COBLL1: variants seen among roughly 807,000 people sequenced by gnomAD.
COBLL1 encodes cordon-bleu protein-like 1.
In COBLL1, 50 loss-of-function variants were observed where a neutral mutation model predicts 94.8. The ratio of observed to expected loss-of-function variants is 0.53; its 90% confidence interval spans 0.42 to 0.67. COBLL1 has a LOEUF of 0.67. COBLL1 is among the 30% of genes least tolerant of loss of function. The pLI, the probability that COBLL1 is intolerant of heterozygous loss-of-function variation, is 0.00. For missense variants in COBLL1, 1,362 were observed against 1,348.7 expected (o/e 1.01, Z -0.15); for synonymous variants, 448 against 473.8 (o/e 0.95, Z 0.71).
At position 164,818,337 on chromosome 2, in the gene COBLL1, T is replaced by C. The variant is rs892860405; in HGVS notation, c.41+22819A>G. On this transcript the variant is annotated intron_variant, in intron 2 of 13. Coordinates refer to ENST00000652658, the MANE Select transcript of COBLL1 (RefSeq NM_001365672.2). Reference sequence around the variant, plus strand: ...ACACGTGTGTATGTATACATATATGTATATATACATATGTGCATATACGTA... The same window carrying C: ...ACACGTGTGTATGTATACATATATGCATATATACATATGTGCATATACGTA... Among the ~76,000 whole-genome samples the C allele has an allele frequency of 4.7e-5, 7 of 149,772 alleles. No homozygotes were observed. The East Asian group carries it at 1.4e-3, about 29-fold the overall frequency.
intron 2 of COBLL1, among the ~76,000 whole-genome samples, chr2:164,746,470 G>A (rs1686863153): frequency 6.6e-6 from 1 of 152,048 alleles, no homozygotes; most frequent in African/African-American, 2.4e-5. Flanking sequence ...AACCAGAAAA[G>A]ATCTGGAGTG....
At chr2:164,749,001 G>A (rs1265472769) in intron 2 of COBLL1, among the ~76,000 whole-genome samples, 1 of 152,012 alleles carries the variant, frequency 6.6e-6, no homozygotes, top group Admixed American at 6.6e-5. Context: ...TATTACTGCT[G>A]ATTGGTCTTT....
chr2:164,798,930 G>A (rs1306907100), intron 2 of COBLL1, among the ~76,000 whole-genome samples: 1 of 149,072 alleles, frequency 6.7e-6, no homozygotes, highest in African/African-American at 2.5e-5. Flanking sequence ...TGAGGCAGGA[G>A]AATGGCGTGA....
In COBLL1 at chr2:164,785,647, G is replaced by A. The variant is rs143866720; in HGVS notation, c.42-41772C>T. Among the ~76,000 whole-genome samples the A allele has an allele frequency of 4.4e-3, 664 of 152,272 alleles. 5 individuals carry two copies. The highest frequency in any genetic ancestry group is 0.015 in the African/African-American group (620 of 41,564). On this transcript the variant is annotated intron_variant, in intron 2 of 13. Transcript: ENST00000652658. ...TTCATAGGAGCTAGAAGTTCCAAAA[G>A]TGAGAGACAATGTAGCTGAGTACTT...
chr2:164,804,110 CAAA>C (rs71393642), intron 2 of COBLL1, among the ~76,000 whole-genome samples: 7 of 82,574 alleles, frequency 8.5e-5, no homozygotes, highest in African/African-American at 8.6e-5. Context: ...TAGGCCTTAG[CAAA>C]AAAAAAAAAA....
At chr2:164,664,368 T>C (rs537902076) in intron 2 of COBLL1, among the ~76,000 whole-genome samples, 5 of 152,362 alleles carry the variant, frequency 3.3e-5, no homozygotes, top group South Asian at 2.1e-4. Flanking sequence ...AATCAAAGAA[T>C]AGAGTCACAT....
At chr2:164,804,397 A>C (rs1190142080) in intron 2 of COBLL1, among the ~76,000 whole-genome samples, 1 of 151,998 alleles carries the variant, frequency 6.6e-6, no homozygotes, top group Non-Finnish European at 1.5e-5. Flanking sequence ...GAAAATAATA[A>C]AAGTTTACTT....
chr2:164,765,694 A>C lies in COBLL1; in HGVS notation c.42-21819T>G, dbSNP rs951080158. 5.9e-5 allele frequency among the ~76,000 whole-genome samples: 9 copies of C among 151,478 alleles called. No homozygotes were observed. The East Asian group carries it at 1.2e-3, about 20-fold the overall frequency. ...GTTTGAAAATTACTAATGTTTTTAC[A>C]AAAAAAAATCTTATGCTCTATGGTA... On this transcript the variant is annotated intron_variant, in intron 2 of 13. Transcript: ENST00000652658.
chr2:164,694,286 G>C lies in COBLL1; in HGVS notation c.3106C>G (p.Leu1036Val). Residue 1036 changes from leucine (L) to valine (V), a missense_variant, in exon 12 of 14, where the codon CTT becomes GTT. Leu to Val is a conservative substitution (Grantham distance 32). Transcript: ENST00000652658. Reference sequence around the variant, plus strand: ...ACAGTTACCTTATCAGACACACCAAGCTGTGGGATGTCCACAAATTTATTT... The same window carrying C: ...ACAGTTACCTTATCAGACACACCAACCTGTGGGATGTCCACAAATTTATTT... Reference protein sequence around the residue: ...SVNKFVDIPQLGVSDKENNSA... With the variant: ...SVNKFVDIPQVGVSDKENNSA... The C allele has an allele frequency of 6.2e-7, 1 of 1,613,578 alleles. No homozygotes were observed. Among genetic ancestry groups the C allele is most frequent in the South Asian group, 1.1e-5 (1 of 91,034 alleles).
chr2:164,695,987 C>T (rs973637794), intron 11 of COBLL1, 151 bp from the exon 12 acceptor site: 6 of 622,654 alleles, frequency 9.6e-6, no homozygotes, highest in Non-Finnish European at 1.3e-5. Context: ...TAGTAGCATA[C>T]AGAGAAAACA....
chr2:164,700,609 T>C lies in COBLL1; in HGVS notation c.1373A>G (p.Asp458Gly). The stretch of plus-strand genomic sequence containing the variant: ...ACCATTGCCAAGGGCTGAGTCAGGA[T>C]CATTTTTCAGTGTATTTATTATATC... ...STDIINTLKN[D>G]PDSALGNGSG... Residue 458 changes from aspartate to glycine, a missense_variant, in exon 10 of 14, where the codon GAT becomes GGT. Coordinates refer to ENST00000652658, the MANE Select transcript of COBLL1 (RefSeq NM_001365672.2). 6.2e-7 allele frequency: 1 copy of C among 1,613,858 alleles called. No homozygotes were observed. The highest frequency in any genetic ancestry group is 1.7e-5 in the Admixed American group (1 of 60,020).
downstream of COBLL1, among the ~76,000 whole-genome samples, chr2:164,675,904 T>C (rs534823150): frequency 1.3e-5 from 2 of 152,296 alleles, no homozygotes; most frequent in East Asian, 3.9e-4. Context: ...GGTTATATGG[T>C]GAACTGTGAC....
At chr2:164,752,830 C>T (rs1302739536) in intron 2 of COBLL1, among the ~76,000 whole-genome samples, 1 of 152,068 alleles carries the variant, frequency 6.6e-6, no homozygotes, top group African/African-American at 2.4e-5. Context: ...CTTGTGTTAC[C>T]GTAAGTAAAT....
chr2:164,728,024 T>A lies in COBLL1; in HGVS notation c.606A>T (p.Thr202=), dbSNP rs1415253508. 1 of 1,613,794 alleles carries A rather than the reference T, an allele frequency of 6.2e-7. No homozygotes were observed. Among genetic ancestry groups the A allele is most frequent in the Admixed American group, 1.7e-5 (1 of 60,010 alleles). ...TTAGTCCCAGGTCATTAAGAGATTT[T>A]GTCAAGTCAAGAGGCTCCTGCGATT... ...DYQSQEPLDL[T]KSLNDLGLRE... The change falls in exon 5 of 14, where the codon ACA becomes ACT. Residue 202 remains threonine (T), a synonymous_variant. Transcript: ENST00000652658.
Position 164,684,959 on chromosome 2 carries a change from C to T in COBLL1, c.*987G>A, listed in dbSNP as rs961296412. On this transcript the variant is annotated 3_prime_UTR_variant, in exon 14 of 14. Transcript: ENST00000652658. ...GAAGAGCTGTAAGCCGACAAATGGGCATTGTTTTGCTTAACAGTTTTAGCT... is the reference window on the plus strand; with the variant it reads ...GAAGAGCTGTAAGCCGACAAATGGGTATTGTTTTGCTTAACAGTTTTAGCT... 2 of 152,102 alleles carry T rather than the reference C, an allele frequency of 1.3e-5. No individual in the cohort carries two copies. Among genetic ancestry groups the T allele is most frequent in the African/African-American group, 4.8e-5 (2 of 41,422 alleles). The allele number at this position is 152,102 out of a possible 1,614,324, so 9.4% of individuals were successfully genotyped here.
At chr2:164,726,108 A>T (rs577023565) in intron 5 of COBLL1, among the ~76,000 whole-genome samples, 61 of 152,160 alleles carry the variant, frequency 4.0e-4, no homozygotes, top group Non-Finnish European at 8.2e-4. Context: ...CATTACTGGA[A>T]GGGATATTAG....
intron 13 of COBLL1, chr2:164,687,520 G>A (rs1002202120): frequency 5.0e-6 from 7 of 1,389,156 alleles, no homozygotes; most frequent in Admixed American, 1.7e-5. Context: ...GACGGACATG[G>A]TAACTTGGCC....
intron 13 of COBLL1, among the ~76,000 whole-genome samples, chr2:164,691,035 A>T (rs943686124): frequency 6.6e-6 from 1 of 152,144 alleles, no homozygotes; most frequent in Non-Finnish European, 1.5e-5. Context: ...AGACTCTACA[A>T]ATAATTTACA....
intron 2 of COBLL1, among the ~76,000 whole-genome samples, chr2:164,818,472 A>ATTTACAATG (rs1684962152): frequency 6.7e-6 from 1 of 149,594 alleles, no homozygotes; most frequent in Non-Finnish European, 1.5e-5. Flanking sequence ...ATATACACAT[A>ATTTACAATG]TTTACAATGT....
Sources: allele counts gnomAD v4.1 joint callset (sites outside exome capture counted in the v4.1 genomes callset), GRCh38; gene constraint gnomAD v4.1.1; transcripts MANE v1.5; gene names NCBI Gene and HGNC (gene_info 2026-07-23, HGNC 2026-07-21).